Variants in STPG4 observed in about 807,000 individuals in gnomAD.
The protein encoded by STPG4 is protein STPG4.
Under a neutral mutation model 31.5 loss-of-function variants are expected in STPG4, and 41 were observed. That is an observed-to-expected ratio of 1.30 (90% CI 1.01 to 1.69). The LOEUF is 1.69. Among genes scored for constraint, STPG4 ranks in the 40% most tolerant of loss-of-function variants. The probability of loss-of-function intolerance (pLI) is 0.00; values close to 1 mark genes in which losing one functional copy is unlikely to be tolerated. For synonymous variants in STPG4, 141 were observed against 103.0 expected, an observed-to-expected ratio of 1.37 and a Z score of -2.24; for missense variants, 375 against 293.4, an observed-to-expected ratio of 1.28 and a Z score of -2.03.
At chr2:47,121,629 C>T (rs114395172) in intron 5 of STPG4, among the ~76,000 whole-genome samples, 11 of 152,288 alleles carry the variant, frequency 7.2e-5, no homozygotes, top group Non-Finnish European at 7.4e-5. Context: ...AATTCAGTGT[C>T]TTAAACAAAC....
chr2:47,095,205 A>C (rs943991033), intron 5 of STPG4, among the ~76,000 whole-genome samples: 2 of 152,206 alleles, frequency 1.3e-5, no homozygotes, highest in Non-Finnish European at 2.9e-5. Flanking sequence ...CCGGTACCTC[A>C]GTATGGGACC....
At position 47,139,578 on chromosome 2, in the gene STPG4, C is replaced by T. The variant is rs143356060; in HGVS notation, c.400-9318G>A. 2.7e-4 allele frequency among the ~76,000 whole-genome samples: 41 copies of T among 152,196 alleles called. 1 individual carries two copies. In the East Asian group the frequency reaches 7.9e-3, roughly 29 times the overall value. Reference sequence around the variant, plus strand: ...TGGGTGGTCTTTTTCTTCATTCCATCTCATGGAAAGGATAATTTGAAGGGT... The same window carrying T: ...TGGGTGGTCTTTTTCTTCATTCCATTTCATGGAAAGGATAATTTGAAGGGT... On this transcript the variant is annotated intron_variant, in intron 3 of 6. Transcript: ENST00000445927.
chr2:47,090,582 T>C (rs1685551296), intron 5 of STPG4, among the ~76,000 whole-genome samples: 1 of 152,198 alleles, frequency 6.6e-6, no homozygotes, highest in South Asian at 2.1e-4. Context: ...TTGTGCACGA[T>C]GGTGAGGAGT....
At chr2:47,101,979 G>T (rs1022352647) in intron 5 of STPG4, among the ~76,000 whole-genome samples, 1 of 151,872 alleles carries the variant, frequency 6.6e-6, no homozygotes, top group Non-Finnish European at 1.5e-5. Flanking sequence ...TTTCTCGGTC[G>T]GTCCTCCCTG....
intron 5 of STPG4, among the ~76,000 whole-genome samples, chr2:47,117,789 T>C (rs1429216062): frequency 6.6e-6 from 1 of 152,180 alleles, no homozygotes; most frequent in East Asian, 1.9e-4. Flanking sequence ...CCAAAATGAT[T>C]TCTGGAACAG....
At chr2:47,098,209 G>C (rs536248695) in intron 5 of STPG4, among the ~76,000 whole-genome samples, 1 of 152,176 alleles carries the variant, frequency 6.6e-6, no homozygotes, top group Non-Finnish European at 1.5e-5. Flanking sequence ...CCCAAAACGG[G>C]TTCACCAGGC....
intron 5 of STPG4, among the ~76,000 whole-genome samples, chr2:47,105,632 G>T (rs577501392): frequency 6.6e-6 from 1 of 152,120 alleles, no homozygotes; most frequent in Admixed American, 6.5e-5. Context: ...TATACTGATG[G>T]AAGTTCATTT....
chr2:47,137,470 T>C (rs1261786752), intron 3 of STPG4, among the ~76,000 whole-genome samples: 6 of 152,218 alleles, frequency 3.9e-5, no homozygotes, highest in African/African-American at 1.4e-4. Context: ...CTGGTTTTGG[T>C]ATTATGATGA....
chr2:47,100,717 G>A (rs561673059), intron 5 of STPG4, among the ~76,000 whole-genome samples: 6 of 151,460 alleles, frequency 4.0e-5, no homozygotes, highest in South Asian at 2.1e-4. Context: ...TGAGGCCAGC[G>A]AGACCATGAG....
At chr2:47,134,077 T>C (rs1686546114) in intron 3 of STPG4, among the ~76,000 whole-genome samples, 3 of 132,208 alleles carry the variant, frequency 2.3e-5, no homozygotes, top group Admixed American at 1.5e-4. Flanking sequence ...TGACTTTATT[T>C]AGAACAGTTT....
intron 5 of STPG4, among the ~76,000 whole-genome samples, chr2:47,122,801 T>TTTTGTTTG (rs144787784): frequency 4.3e-4 from 66 of 151,842 alleles, no homozygotes; most frequent in African/African-American, 1.6e-3. Context: ...TATTTCTGTT[T>TTTTGTTTG]TTTGTTTGTT....
chr2:47,136,348 A>C (rs931166877), intron 3 of STPG4, among the ~76,000 whole-genome samples: 5 of 151,924 alleles, frequency 3.3e-5, no homozygotes, highest in Non-Finnish European at 1.5e-5. Context: ...GGGTTTCACT[A>C]TGTTGGCCAG....
intron 5 of STPG4, among the ~76,000 whole-genome samples, chr2:47,116,500 A>G (rs1396387281): frequency 6.6e-6 from 1 of 152,130 alleles, no homozygotes; most frequent in Non-Finnish European, 1.5e-5. Context: ...ATTTTTTCTT[A>G]TTTTGTAGAC....
chr2:47,116,878 TGTGGA>T (rs1463246795), intron 5 of STPG4, among the ~76,000 whole-genome samples: 2 of 151,330 alleles, frequency 1.3e-5, no homozygotes, highest in African/African-American at 2.5e-5. Context: ...ATATCCTACC[TGTGGA>T]GTTTCAGGCA....
chr2:47,147,643 A>T (rs888277064), intron 3 of STPG4, among the ~76,000 whole-genome samples: 1 of 152,122 alleles, frequency 6.6e-6, no homozygotes, highest in East Asian at 1.9e-4. Context: ...GTGTGTGTTG[A>T]AATTATGATA....
At chr2:47,135,013 T>C (rs1686568515) in intron 3 of STPG4, among the ~76,000 whole-genome samples, 1 of 152,192 alleles carries the variant, frequency 6.6e-6, no homozygotes, top group Non-Finnish European at 1.5e-5. Context: ...GAGGTGTATA[T>C]TAAGGAGTTT....
intron 5 of STPG4, among the ~76,000 whole-genome samples, chr2:47,097,598 CG>C (rs1558670357): frequency 6.6e-6 from 1 of 152,160 alleles, no homozygotes; most frequent in Admixed American, 6.5e-5. Flanking sequence ...TTCTGCCCTT[CG>C]CCACGTGCAG....
intron 3 of STPG4, among the ~76,000 whole-genome samples, chr2:47,138,617 T>C (rs1686644903): frequency 6.6e-6 from 1 of 152,108 alleles, no homozygotes; most frequent in Non-Finnish European, 1.5e-5. Flanking sequence ...TGCCATGATC[T>C]CAGCTCACTG....
intron 1 of STPG4, among the ~76,000 whole-genome samples, chr2:47,154,631 T>A (rs992179483): frequency 1.3e-5 from 2 of 152,252 alleles, no homozygotes; most frequent in African/African-American, 4.8e-5. Flanking sequence ...CGCGGGAGGC[T>A]GAGGCAGGAG....
Sources: allele counts gnomAD v4.1 joint callset (sites outside exome capture counted in the v4.1 genomes callset), GRCh38; gene constraint gnomAD v4.1.1; transcripts MANE v1.5; gene names NCBI Gene and HGNC (gene_info 2026-07-23, HGNC 2026-07-21).